UBXN8: variants seen among roughly 807,000 people sequenced by gnomAD.
UBXN8 encodes UBX domain protein 8.
In UBXN8, 27 loss-of-function variants were observed where a neutral mutation model predicts 32.1. That is an observed-to-expected ratio of 0.84 (90% CI 0.62 to 1.16). UBXN8 has a LOEUF of 1.16. Among genes scored for constraint, UBXN8 ranks in the 50% most tolerant of loss-of-function variants. UBXN8 has a pLI of 0.00. For missense variants in UBXN8, 306 were observed against 311.4 expected (o/e 0.98, Z 0.13); for synonymous variants, 109 against 111.8 (o/e 0.98, Z 0.16).
At chr8:30,764,146 A>G (rs1424599107) in intron 7 of UBXN8, among the ~76,000 whole-genome samples, 1 of 152,264 alleles carries the variant, frequency 6.6e-6, no homozygotes, top group Non-Finnish European at 1.5e-5. Flanking sequence ...ATTTAAACAT[A>G]TAATTATGTG....
intron 1 of UBXN8, among the ~76,000 whole-genome samples, chr8:30,736,757 G>A (rs934428490): frequency 9.9e-5 from 15 of 152,194 alleles, no homozygotes; most frequent in Admixed American, 9.8e-4. Flanking sequence ...ACAAGCGTGA[G>A]CCACTGCACC....
chr8:30,760,772 A>C (rs936853782), intron 5 of UBXN8, 116 bp from the exon 6 acceptor site: 39 of 660,250 alleles, frequency 5.9e-5, no homozygotes, highest in Non-Finnish European at 9.3e-5. Flanking sequence ...TGTATGAAGA[A>C]AAGATATAAG....
chr8:30,730,300 C>T (rs1804921495), upstream of UBXN8, among the ~76,000 whole-genome samples: 3 of 152,298 alleles, frequency 2.0e-5, no homozygotes, highest in South Asian at 4.1e-4. Context: ...CAGCCCTTCA[C>T]CTCTGCCGAC....
In UBXN8 at chr8:30,744,189, C is replaced by T. The variant is rs1320544044; in HGVS notation, c.-1C>T. ...CGCCTGCACCAGGCGCTTCCGCCAC[C>T]ATGGCTTCACGTGGGGTTGTTGGCA... is the stretch of plus-strand genomic sequence containing the variant. On this transcript the variant is annotated 5_prime_UTR_variant, in exon 1 of 8. Transcript: ENST00000265616. 1 of 1,612,794 alleles carries T rather than the reference C, an allele frequency of 6.2e-7. No homozygotes were observed. The highest frequency in any genetic ancestry group is 1.1e-5 in the South Asian group (1 of 90,698).
intron 4 of UBXN8, 33 bp downstream of exon 4, chr8:30,754,820 C>G: frequency 6.5e-7 from 1 of 1,545,160 alleles, no homozygotes; most frequent in Non-Finnish European, 8.6e-7. Context: ...TATTTTGAAT[C>G]CTCTTACTAT....
chr8:30,732,418 C>T (rs575059441), upstream of UBXN8: 115 of 391,512 alleles, frequency 2.9e-4, 1 homozygote, highest in Admixed American at 1.1e-3. Context: ...AGCCTGGGAT[C>T]AGAAAGAAAG....
chr8:30,751,960 T>A (rs1212175274), intron 2 of UBXN8, among the ~76,000 whole-genome samples: 1 of 151,650 alleles, frequency 6.6e-6, no homozygotes, highest in Non-Finnish European at 1.5e-5. Flanking sequence ...TGGCATGATC[T>A]TGGCTCACTG....
At chr8:30,733,596 C>T (rs1471649590) in intron 1 of UBXN8, among the ~76,000 whole-genome samples, 3 of 152,106 alleles carry the variant, frequency 2.0e-5, no homozygotes, top group African/African-American at 7.2e-5. Context: ...AGTGACAGCC[C>T]CCCTGCTCCC....
upstream of UBXN8, among the ~76,000 whole-genome samples, chr8:30,739,269 GTA>G: frequency 6.6e-6 from 1 of 151,146 alleles, no homozygotes; most frequent in African/African-American, 2.4e-5. Flanking sequence ...ACATGGCCGG[GTA>G]TGGTGGCTCA....
At position 30,754,572 on chromosome 8, in the gene UBXN8, C is replaced by T; in HGVS notation, c.283-93C>T. 3 of 1,464,922 alleles carry T rather than the reference C, an allele frequency of 2.0e-6. No homozygotes were observed. The Admixed American group carries it at 7.6e-5, about 37-fold the overall frequency. The allele number at this position is 1,464,922 out of a possible 1,614,324, so 90.7% of individuals were successfully genotyped here. ...GTGGCTCTGTTCAGCCAGCAGGGTT[C>T]TTACTTGGTTCTTATTTACAACTTT... On this transcript the variant is annotated intron_variant, in intron 3 of 7. Transcript: ENST00000265616.
chr8:30,742,273 A>G (rs529585526), upstream of UBXN8, among the ~76,000 whole-genome samples: 3 of 152,298 alleles, frequency 2.0e-5, no homozygotes, highest in East Asian at 3.9e-4. Context: ...CTTTGCTTGG[A>G]GGATAAAGTT....
At chr8:30,740,183 C>A (rs1310165339), upstream of UBXN8, among the ~76,000 whole-genome samples, 4 of 151,886 alleles carry the variant, frequency 2.6e-5, no homozygotes, top group African/African-American at 9.7e-5. Context: ...TGAGCCGCCA[C>A]GGTCAGTCAG....
At chr8:30,757,859 C>CA (rs76218678) in intron 5 of UBXN8, among the ~76,000 whole-genome samples, 728 of 55,666 alleles carry the variant, frequency 0.013, 14 homozygotes, top group Admixed American at 0.076. Context: ...GACTCCGTCT[C>CA]AAAAAAAAAA....
At chr8:30,763,383 T>C (rs749390759) in intron 7 of UBXN8, 36 bp downstream of exon 7, 1 of 1,591,758 alleles carries the variant, frequency 6.3e-7, no homozygotes, top group Admixed American at 1.7e-5. Flanking sequence ...GAAATATCTT[T>C]GTTGAATATG....
intron 4 of UBXN8, among the ~76,000 whole-genome samples, chr8:30,755,096 C>CATGT (rs1392024141): frequency 6.6e-6 from 1 of 151,530 alleles, no homozygotes; most frequent in Admixed American, 6.6e-5. Context: ...GCTGGGACTA[C>CATGT]AGGCGCCTGC....
At chr8:30,755,094 T>G (rs1805621178) in intron 4 of UBXN8, among the ~76,000 whole-genome samples, 1 of 151,812 alleles carries the variant, frequency 6.6e-6, no homozygotes, top group African/African-American at 2.4e-5. Context: ...TAGCTGGGAC[T>G]ACAGGCGCCT....
At chr8:30,765,596 C>T (rs984007093) in intron 7 of UBXN8, among the ~76,000 whole-genome samples, 1 of 151,764 alleles carries the variant, frequency 6.6e-6, no homozygotes, top group African/African-American at 2.4e-5. Flanking sequence ...CTCTGTCACC[C>T]AGGCTGGAGT....
chr8:30,757,837 G>A (rs1408376732), intron 5 of UBXN8, among the ~76,000 whole-genome samples: 1 of 148,602 alleles, frequency 6.7e-6, no homozygotes, highest in Non-Finnish European at 1.5e-5. Context: ...TCCAGCCTGC[G>A]CGACAGAGTG....
At chr8:30,748,554 T>C (rs1805427435) in intron 1 of UBXN8, among the ~76,000 whole-genome samples, 1 of 152,112 alleles carries the variant, frequency 6.6e-6, no homozygotes, top group South Asian at 2.1e-4. Context: ...TTTTTCTTTT[T>C]TTTTGAGACA....
Sources: gnomAD v4.1 joint callset for allele counts (sites outside exome capture counted in the v4.1 genomes callset) on GRCh38, gnomAD v4.1.1 for gene constraint, MANE v1.5 for transcripts, NCBI Gene and HGNC (gene_info 2026-07-23, HGNC 2026-07-21) for gene names.